The following STK32C variants were observed in gnomAD, a reference collection of about 807,000 sequenced individuals.
STK32C encodes the protein serine/threonine kinase 32C.
A neutral mutation model predicts 56.5 loss-of-function variants in STK32C; 31 were observed. The ratio of observed to expected loss-of-function variants is 0.55; its 90% confidence interval spans 0.41 to 0.74. The LOEUF is 0.74. STK32C is among the 30% of genes least tolerant of loss of function. The pLI, the probability that STK32C is intolerant of heterozygous loss-of-function variation, is 0.00. For missense variants in STK32C, 544 were observed against 676.9 expected (o/e 0.80, Z 2.18); for synonymous variants, 309 against 289.4 (o/e 1.07, Z -0.69).
At chr10:132,286,825 C>T (rs1177695695) in intron 1 of STK32C, among the ~76,000 whole-genome samples, 1 of 152,210 alleles carries the variant, frequency 6.6e-6, no homozygotes, top group Non-Finnish European at 1.5e-5. Context: ...TTGACTGCTT[C>T]CCCCTAAGAC....
chr10:132,312,092 G>A (rs564938932), upstream of STK32C, among the ~76,000 whole-genome samples: 2 of 152,040 alleles, frequency 1.3e-5, no homozygotes, highest in South Asian at 2.1e-4. Context: ...CTGCAGCCTC[G>A]ACCTCCCAGG....
chr10:132,252,652 G>C (rs1444902994), intron 1 of STK32C, among the ~76,000 whole-genome samples: 1 of 151,998 alleles, frequency 6.6e-6, no homozygotes, highest in Non-Finnish European at 1.5e-5. Context: ...GGGATGGACG[G>C]AGCGGCTCGG....
chr10:132,289,852 A>G (rs1429052096), intron 1 of STK32C, among the ~76,000 whole-genome samples: 5 of 152,176 alleles, frequency 3.3e-5, no homozygotes, highest in African/African-American at 7.2e-5. Context: ...CAACATATGT[A>G]TGTGGGTGGG....
intron 2 of STK32C, among the ~76,000 whole-genome samples, chr10:132,244,439 C>T (rs1274390224): frequency 1.3e-5 from 2 of 152,198 alleles, no homozygotes; most frequent in Non-Finnish European, 2.9e-5. Context: ...GGGGACCATC[C>T]CCAGGCAGGA....
chr10:132,258,112 C>G (rs138135456), intron 1 of STK32C, among the ~76,000 whole-genome samples: 3 of 152,220 alleles, frequency 2.0e-5, no homozygotes, highest in East Asian at 3.8e-4. Flanking sequence ...AGGACCTCCC[C>G]GGGAGCAACA....
intron 10 of STK32C, among the ~76,000 whole-genome samples, chr10:132,219,045 GAA>G (rs1184327751): frequency 1.3e-5 from 2 of 152,198 alleles, no homozygotes; most frequent in African/African-American, 2.4e-5. Flanking sequence ...GGGGAGGGGA[GAA>G]GAGGGGAATG....
chr10:132,286,576 G>T (rs2065411607), intron 1 of STK32C, among the ~76,000 whole-genome samples: 1 of 152,008 alleles, frequency 6.6e-6, no homozygotes, highest in Non-Finnish European at 1.5e-5. Context: ...AACAAATCTA[G>T]AAATGAAAGG....
rs1183370021 is a variant in STK32C at position 132,224,391 on chromosome 10, A to C, written c.993+16T>G. The stretch of plus-strand genomic sequence containing the variant: ...GGGTGCTCGGAGGGTGAGGAGGCTC[A>C]GGGATGGGGGCTCACCTTCCGCAGC... On this transcript the variant is annotated intron_variant, in intron 8 of 11. Coordinates refer to ENST00000298630, the MANE Select transcript of STK32C (RefSeq NM_173575.4). 2.0e-6 allele frequency: 3 copies of C among 1,537,186 alleles called. No homozygotes were observed. Among genetic ancestry groups the C allele is most frequent in the Non-Finnish European group, 2.6e-6 (3 of 1,135,346 alleles).
intron 1 of STK32C, among the ~76,000 whole-genome samples, chr10:132,285,103 C>T (rs2138265542): frequency 6.8e-6 from 1 of 147,800 alleles, no homozygotes; most frequent in Non-Finnish European, 1.5e-5. Context: ...GGAACACATT[C>T]CCACGTCTGC....
intron 1 of STK32C, chr10:132,330,457 G>A (rs1313515394): frequency 1.4e-6 from 1 of 717,206 alleles, no homozygotes; most frequent in East Asian, 2.7e-5. Context: ...CCACGCTCCT[G>A]AGAAGGTACT....
At chr10:132,284,798 C>T in intron 1 of STK32C, among the ~76,000 whole-genome samples, 1 of 147,004 alleles carries the variant, frequency 6.8e-6, no homozygotes, top group African/African-American at 2.6e-5. Flanking sequence ...GGCATGAACC[C>T]AGAACACATT....
At chr10:132,277,631 G>A (rs766193555) in intron 1 of STK32C, among the ~76,000 whole-genome samples, 11 of 152,266 alleles carry the variant, frequency 7.2e-5, no homozygotes, top group Non-Finnish European at 1.3e-4. Context: ...TTGGGACAGC[G>A]GCAGCCTTTG....
rs115790877 is a variant in STK32C at position 132,213,280 on chromosome 10, G to A, written c.1252-4179C>T. Among the ~76,000 whole-genome samples, 1,436 of 152,296 alleles carry A rather than the reference G, an allele frequency of 9.4e-3. 31 individuals carry two copies. Among genetic ancestry groups the A allele is most frequent in the African/African-American group, 0.033 (1,367 of 41,552 alleles). On this transcript the variant is annotated intron_variant, in intron 10 of 11. Transcript: ENST00000298630. ...AAAGCAGATCAACAACTGTGAAGGGGCACAGGCCCCCAAGACTGAGATTTG... is the reference window on the plus strand; with the variant it reads ...AAAGCAGATCAACAACTGTGAAGGGACACAGGCCCCCAAGACTGAGATTTG...
intron 1 of STK32C, among the ~76,000 whole-genome samples, chr10:132,318,914 G>T (rs1049730900): frequency 2.0e-5 from 3 of 151,836 alleles, no homozygotes; most frequent in African/African-American, 7.3e-5. Flanking sequence ...GGCAGAACTG[G>T]AGTCCATATT....
intron 2 of STK32C, among the ~76,000 whole-genome samples, chr10:132,245,294 C>T (rs1039561005): frequency 3.9e-5 from 6 of 152,190 alleles, no homozygotes; most frequent in Non-Finnish European, 5.9e-5. Context: ...CAGAGCTGCG[C>T]GCAGAAGCCG....
intron 1 of STK32C, among the ~76,000 whole-genome samples, chr10:132,301,440 G>A (rs1041284425): frequency 4.6e-5 from 7 of 152,076 alleles, no homozygotes; most frequent in Admixed American, 6.5e-5. Flanking sequence ...CCTGGAACCC[G>A]GGTTCCTCCC....
At chr10:132,323,061 G>A (rs914298552), downstream of STK32C, among the ~76,000 whole-genome samples, 7 of 151,992 alleles carry the variant, frequency 4.6e-5, no homozygotes, top group Non-Finnish European at 7.4e-5. The surrounding 1 kb of genome is among the most constrained non-coding windows in gnomAD (Gnocchi z 4.8). Context: ...GCCCTGCGTC[G>A]GACTCACCAC....
intron 4 of STK32C, 40 bp from the exon 5 acceptor site, chr10:132,225,824 G>C: frequency 6.2e-7 from 1 of 1,612,698 alleles, no homozygotes; most frequent in Non-Finnish European, 8.5e-7. Flanking sequence ...TTGGGAATCT[G>C]CCCTGTTTCT....
chr10:132,299,966 G>T (rs928218398), intron 1 of STK32C, among the ~76,000 whole-genome samples: 3 of 152,186 alleles, frequency 2.0e-5, no homozygotes, highest in Non-Finnish European at 4.4e-5. Context: ...TGGAGTAGGC[G>T]GCACCAAAAC....
Sources: gnomAD v4.1 joint callset for allele counts (sites outside exome capture counted in the v4.1 genomes callset) on GRCh38, gnomAD v4.1.1 for gene constraint, Gnocchi (gnomAD v3.1) non-coding constraint, MANE v1.5 for transcripts, NCBI Gene and HGNC (gene_info 2026-07-23, HGNC 2026-07-21) for gene names.